The following CDH20 variants were observed in gnomAD, a reference collection of about 807,000 sequenced individuals.
The protein encoded by CDH20 is cadherin 20, also known as cadherin-20.
CDH20 carries 29 observed loss-of-function variants against 74.2 expected under a neutral mutation model. The observed-to-expected ratio is 0.39, with a 90% CI of 0.29 to 0.53. The LOEUF (loss-of-function observed/expected upper bound fraction) is 0.53, where lower values mean the gene tolerates loss of function less well. Among genes scored for constraint, CDH20 ranks in the 20% least tolerant of loss-of-function variants. CDH20 has a pLI of 0.69. For missense variants in CDH20, 988 were observed against 1,048.3 expected (o/e 0.94, Z 0.79); for synonymous variants, 469 against 405.4 (o/e 1.16, Z -1.88).
rs1913545857 is a variant in CDH20, at chr18:61,554,351, G to A, written c.2062G>A (p.Glu688Lys). ...CATCGCGGCCATGTGGAACCCCCGG[G>A]AGGCGCAGGCGGGGGCCGCCCCCAA... ...FDIAAMWNPR[E>K]AQAGAAPKTR... Residue 688 changes from glutamate to lysine, a missense_variant, in exon 12 of 12, where the codon GAG becomes AAG. Around this residue, in one of 2 missense-constraint regions of CDH20, gnomAD observed 375 missense variants for 293.1 expected, o/e 1.28. Transcript: ENST00000262717. 1 of 1,613,290 alleles carries A rather than the reference G, an allele frequency of 6.2e-7. No homozygotes were observed. Among genetic ancestry groups the A allele is most frequent in the African/African-American group, 1.3e-5 (1 of 74,946 alleles).
At chr18:61,363,084 T>G (rs577866809) in intron 1 of CDH20, among the ~76,000 whole-genome samples, 1 of 152,190 alleles carries the variant, frequency 6.6e-6, no homozygotes, top group South Asian at 2.1e-4. Context: ...AATTAATGAG[T>G]GTTTATCTTG....
At chr18:61,413,183 T>C (rs1186216461) in intron 1 of CDH20, among the ~76,000 whole-genome samples, 5 of 152,142 alleles carry the variant, frequency 3.3e-5, no homozygotes, top group African/African-American at 1.2e-4. Context: ...CACTGTACCA[T>C]CCACATCCAC....
intron 1 of CDH20, among the ~76,000 whole-genome samples, chr18:61,427,245 A>G (rs920394172): frequency 2.0e-5 from 3 of 152,172 alleles, no homozygotes; most frequent in South Asian, 4.1e-4. Flanking sequence ...GGCATTTGCT[A>G]TGTGGCAGGC....
chr18:61,546,540 G>A (rs958286256), intron 10 of CDH20, among the ~76,000 whole-genome samples: 13 of 152,242 alleles, frequency 8.5e-5, no homozygotes, highest in South Asian at 4.1e-4. Flanking sequence ...AACTATTCCC[G>A]CAAAAAGTGC....
At chr18:61,553,550 C>T (rs543440672) in intron 11 of CDH20, among the ~76,000 whole-genome samples, 2 of 152,264 alleles carry the variant, frequency 1.3e-5, no homozygotes, top group South Asian at 4.1e-4. Context: ...AAAGCCACAA[C>T]CACCTCTTTA....
intron 1 of CDH20, among the ~76,000 whole-genome samples, chr18:61,359,919 C>T (rs1910632810): frequency 1.3e-5 from 2 of 152,196 alleles, no homozygotes; most frequent in African/African-American, 4.8e-5. Flanking sequence ...GAGATACAGG[C>T]AGCCATTCCT....
intron 11 of CDH20, among the ~76,000 whole-genome samples, chr18:61,553,609 C>T (rs1913510925): frequency 6.6e-6 from 1 of 152,124 alleles, no homozygotes; most frequent in African/African-American, 2.4e-5. Context: ...CCAGGGATCA[C>T]TTATGTTCTG....
chr18:61,547,452 C>G (rs1156302898), intron 10 of CDH20, among the ~76,000 whole-genome samples: 2 of 152,094 alleles, frequency 1.3e-5, no homozygotes, highest in African/African-American at 4.8e-5. Context: ...TCCAGTAAAG[C>G]CTTTTTTTAC....
At chr18:61,499,536 ACACACACATATGCACATG>A in intron 3 of CDH20, 56 bp downstream of exon 3, 1 of 1,293,754 alleles carries the variant, frequency 7.7e-7, no homozygotes, top group Non-Finnish European at 1.1e-6. Flanking sequence ...ATATACACAC[ACACACACATATGCACATG>A]CACACACACA....
At chr18:61,414,156 A>G (rs1041461316) in intron 1 of CDH20, among the ~76,000 whole-genome samples, 2 of 152,258 alleles carry the variant, frequency 1.3e-5, no homozygotes, top group African/African-American at 4.8e-5. Flanking sequence ...CCAAATGTCG[A>G]TGTGGTTGGT....
chr18:61,540,132 C>T (rs1912973682), intron 9 of CDH20, among the ~76,000 whole-genome samples: 1 of 152,178 alleles, frequency 6.6e-6, no homozygotes, highest in Admixed American at 6.5e-5. Flanking sequence ...ATGCTTTCCT[C>T]CCCTGTGTAT....
At chr18:61,473,999 C>T (rs1361759098) in intron 1 of CDH20, among the ~76,000 whole-genome samples, 3 of 152,158 alleles carry the variant, frequency 2.0e-5, no homozygotes, top group Non-Finnish European at 4.4e-5. Context: ...TAAATGCTTA[C>T]TACTATGTAA....
chr18:61,551,572 G>C (rs1051427882), intron 11 of CDH20, among the ~76,000 whole-genome samples: 2 of 152,212 alleles, frequency 1.3e-5, no homozygotes, highest in Non-Finnish European at 2.9e-5. Flanking sequence ...TACGTAAAGA[G>C]AGGAAGAGTA....
At chr18:61,364,749 C>T (rs1408824624) in intron 1 of CDH20, among the ~76,000 whole-genome samples, 1 of 152,220 alleles carries the variant, frequency 6.6e-6, no homozygotes, top group Non-Finnish European at 1.5e-5. Flanking sequence ...TGGAAGCAGC[C>T]TGAGGCTTGG....
chr18:61,428,803 T>C (rs117581482), intron 1 of CDH20, among the ~76,000 whole-genome samples: 2,394 of 152,282 alleles, frequency 0.016, 25 homozygotes, highest in Non-Finnish European at 0.024. Flanking sequence ...GATAAAATTA[T>C]CCAAATTCCC....
chr18:61,376,690 T>A (rs1362682824), intron 1 of CDH20, among the ~76,000 whole-genome samples: 3 of 152,222 alleles, frequency 2.0e-5, no homozygotes, highest in African/African-American at 7.2e-5. Flanking sequence ...AAAGGTACTC[T>A]GAAGACAGTT....
rs1209179511 is a variant in CDH20 at position 61,342,245 on chromosome 18, AAAAT to A, written c.-153+8433_-153+8436del. Among the ~76,000 whole-genome samples the A allele has an allele frequency of 4.6e-5, 7 of 152,348 alleles. No individual in the cohort carries two copies. The South Asian group carries it at 8.3e-4, about 18-fold the overall frequency. On this transcript the variant is annotated intron_variant, in intron 1 of 11. Transcript: ENST00000262717. The stretch of plus-strand genomic sequence containing the variant: ...TCAGAGGAAAAATTGACAGAGCAAA[AAAAT>A]AAATAAATAAATAACCGCCATTTAT...
chr18:61,491,248 A>G (rs1265699311), intron 2 of CDH20, among the ~76,000 whole-genome samples: 5 of 152,244 alleles, frequency 3.3e-5, no homozygotes, highest in African/African-American at 9.6e-5. Flanking sequence ...AACATTTTTC[A>G]TTTCAGAAGA....
In CDH20 at chr18:61,500,102, TAAAAAAAAAAAAAAAAAAAAAAAAAAA is replaced by T. The variant is rs534695760; in HGVS notation, c.542-260_542-234del. Among the ~76,000 whole-genome samples the T allele has an allele frequency of 2.9e-3, 162 of 56,570 alleles. 6 individuals carry two copies. The highest frequency in any genetic ancestry group is 0.013 in the East Asian group (22 of 1,658). 37.1% of individuals were successfully genotyped at this position (56,570 alleles called of 152,430 possible). On this transcript the variant is annotated intron_variant, in intron 3 of 11. Transcript: ENST00000262717. Reference sequence around the variant, plus strand: ...CTGGCGACAGAGTGAGACTCCATCTTAAAAAAAAAAAAAAAAAAAAAAAAAAAAAAAAAAAAAAAAAAAAAAAGCAAT... The same window carrying T: ...CTGGCGACAGAGTGAGACTCCATCTTAAAAAAAAAAAAAAAAAAAAGCAAT...
Sources: allele counts gnomAD v4.1 joint callset (sites outside exome capture counted in the v4.1 genomes callset), GRCh38; gene constraint gnomAD v4.1.1; regional missense constraint gnomAD v4.1.1; transcripts MANE v1.5; gene names NCBI Gene and HGNC (gene_info 2026-07-23, HGNC 2026-07-21).